Variants in GALNT16 observed in about 807,000 individuals in gnomAD.
The protein encoded by GALNT16 is polypeptide N-acetylgalactosaminyltransferase 16, also known as UDP-GalNAc:polypeptide N-acetylgalactosaminyltransferase-like protein 1.
A neutral mutation model predicts 76.1 loss-of-function variants in GALNT16; 40 were observed. The observed-to-expected ratio is 0.53, with a 90% confidence interval of 0.41 to 0.68. GALNT16 has a LOEUF of 0.68. Ranked by LOEUF, GALNT16 falls within the 30% of genes least tolerant of loss-of-function variation. GALNT16 has a pLI of 0.00. For missense variants in GALNT16, 621 were observed against 731.9 expected (o/e 0.85, Z 1.75); for synonymous variants, 276 against 285.2 (o/e 0.97, Z 0.32).
downstream of GALNT16, among the ~76,000 whole-genome samples, chr14:69,360,107 C>A (rs185717568): frequency 6.6e-6 from 1 of 152,124 alleles, no homozygotes; most frequent in African/African-American, 2.4e-5. Context: ...AATCCCAGCA[C>A]TTTGGGAGGC....
chr14:69,325,437 A>G (rs752848451), intron 4 of GALNT16, 33 bp downstream of exon 4: 2 of 1,270,008 alleles, frequency 1.6e-6, no homozygotes, highest in Non-Finnish European at 2.3e-6. Flanking sequence ...GCAGCCCTCC[A>G]TTCCGCCCTC....
At chr14:69,312,201 G>C (rs2045036407) in intron 1 of GALNT16, among the ~76,000 whole-genome samples, 1 of 152,020 alleles carries the variant, frequency 6.6e-6, no homozygotes, top group Non-Finnish European at 1.5e-5. Context: ...CAGTGAGCTA[G>C]AATCATGCCA....
intron 5 of GALNT16, among the ~76,000 whole-genome samples, chr14:69,326,408 C>T (rs1311889258): frequency 1.3e-5 from 2 of 152,222 alleles, no homozygotes; most frequent in Non-Finnish European, 2.9e-5. Flanking sequence ...GTAGCTACTA[C>T]AGCGTGGCAT....
At chr14:69,275,880 G>A (rs989102968) in intron 1 of GALNT16, among the ~76,000 whole-genome samples, 3 of 152,152 alleles carry the variant, frequency 2.0e-5, no homozygotes, top group African/African-American at 7.2e-5. Context: ...TCACGCTGCT[G>A]ATAAAGGCAT....
At chr14:69,334,528 G>T (rs11626251) in intron 9 of GALNT16, among the ~76,000 whole-genome samples, 2,430 of 152,326 alleles carry the variant, frequency 0.016, 71 homozygotes, top group Admixed American at 0.079. Context: ...TTATTAAAGG[G>T]CTTATTTACA....
intron 6 of GALNT16, among the ~76,000 whole-genome samples, chr14:69,330,933 G>A (rs1243028767): frequency 6.6e-6 from 1 of 152,214 alleles, no homozygotes; most frequent in Non-Finnish European, 1.5e-5. Context: ...TGTGGTATGA[G>A]AGGGATAGCA....
rs144726829 is a variant in GALNT16, at chr14:69,339,584, G to A, written c.1152G>A (p.Glu384=). ...ATGAATACAAGCAATACTACTATGA[G>A]GCCCGGCCCTCGGCCATCGGGAAGG... is the stretch of plus-strand genomic sequence containing the variant. The part of the protein sequence containing the change: ...WMDEYKQYYY[E]ARPSAIGKAF... The change falls in exon 11 of 15, where the codon GAG becomes GAA. Residue 384 remains glutamate, a synonymous_variant. Coordinates refer to ENST00000448469, the MANE Select transcript of GALNT16 (RefSeq NM_001168368.2). The A allele has an allele frequency of 1.3e-4, 204 of 1,611,900 alleles. No homozygotes were observed. In the African/African-American group the frequency reaches 2.3e-3, roughly 18 times the overall value.
intron 9 of GALNT16, among the ~76,000 whole-genome samples, chr14:69,335,508 A>C (rs2045404981): frequency 6.6e-6 from 1 of 152,166 alleles, no homozygotes; most frequent in Non-Finnish European, 1.5e-5. Context: ...TCTGCCTCCA[A>C]AGGCCATTTT....
At chr14:69,265,471 A>G (rs74059927) in intron 1 of GALNT16, among the ~76,000 whole-genome samples, 2,931 of 152,194 alleles carry the variant, frequency 0.019, 106 homozygotes, top group African/African-American at 0.068. Context: ...TTTAAGGTAG[A>G]GGTAGGAGGA....
chr14:69,282,439 A>C (rs2044556527), intron 1 of GALNT16, among the ~76,000 whole-genome samples: 1 of 151,934 alleles, frequency 6.6e-6, no homozygotes, highest in Non-Finnish European at 1.5e-5. Context: ...CTCAGATCTG[A>C]CCATGGTTGG....
intron 1 of GALNT16, among the ~76,000 whole-genome samples, chr14:69,303,269 A>G (rs930108184): frequency 3.2e-4 from 49 of 152,334 alleles, no homozygotes; most frequent in African/African-American, 1.1e-3. Context: ...GGTGGGATCC[A>G]AGATAGCTAA....
the GALNT16 span, among the ~76,000 whole-genome samples, chr14:69,367,234 A>C: frequency 6.6e-6 from 1 of 152,036 alleles, no homozygotes; most frequent in Non-Finnish European, 1.5e-5. Context: ...TTATTTTAAG[A>C]ATGTGCAATG....
intron 14 of GALNT16, chr14:69,349,581 GT>G (rs2045608186): frequency 1.3e-5 from 2 of 152,234 alleles, no homozygotes; most frequent in African/African-American, 2.4e-5. Flanking sequence ...GGCTAGCTGG[GT>G]TTCCTGTATC....
intron 1 of GALNT16, among the ~76,000 whole-genome samples, chr14:69,292,227 G>A (rs1429421037): frequency 6.6e-6 from 1 of 152,244 alleles, no homozygotes; most frequent in African/African-American, 2.4e-5. Flanking sequence ...TTTGTGCAAG[G>A]CCACACAGCT....
chr14:69,347,236 A>AG, intron 13 of GALNT16, 55 bp downstream of exon 13: 1 of 1,497,556 alleles, frequency 6.7e-7, no homozygotes, highest in South Asian at 1.3e-5. Flanking sequence ...ATTGTCCAGG[A>AG]GTGGGGTGAG....
chr14:69,288,831 T>C (rs756895370), intron 1 of GALNT16, among the ~76,000 whole-genome samples: 9 of 152,106 alleles, frequency 5.9e-5, no homozygotes, highest in Non-Finnish European at 8.8e-5. Flanking sequence ...CAGGGGCATA[T>C]TTGAGTCTGG....
chr14:69,296,217 T>C (rs2153531), intron 1 of GALNT16, among the ~76,000 whole-genome samples: 102,451 of 151,814 alleles, frequency 0.67, 35,185 homozygotes, highest in East Asian at 1. Flanking sequence ...CCAGATCTCA[T>C]GAGAACTCAC....
At chr14:69,282,562 G>A (rs116152362) in intron 1 of GALNT16, among the ~76,000 whole-genome samples, 43 of 152,216 alleles carry the variant, frequency 2.8e-4, no homozygotes, top group African/African-American at 1.0e-3. Flanking sequence ...ATGTGAACAT[G>A]GGCCCTGTAT....
chr14:69,277,349 T>A (rs995715852), intron 1 of GALNT16, among the ~76,000 whole-genome samples: 11 of 152,190 alleles, frequency 7.2e-5, no homozygotes, highest in Non-Finnish European at 1.6e-4. Context: ...ATTAGGTATA[T>A]CTCCTAATGC....
Sources: gnomAD v4.1 joint callset for allele counts (sites outside exome capture counted in the v4.1 genomes callset) on GRCh38, gnomAD v4.1.1 for gene constraint, MANE v1.5 for transcripts, NCBI Gene and HGNC (gene_info 2026-07-23, HGNC 2026-07-21) for gene names.